The following SMARCA4 variants were observed in gnomAD, a reference collection of about 807,000 sequenced individuals.
SMARCA4 encodes the protein SWI/SNF-related matrix-associated actin-dependent regulator of chromatin subfamily A member 4.
In SMARCA4, 31 loss-of-function variants were observed where a neutral mutation model predicts 193.9. That is an observed-to-expected ratio of 0.16 (90% CI 0.12 to 0.22). The LOEUF (loss-of-function observed/expected upper bound fraction) is 0.22, where lower values mean the gene tolerates loss of function less well. Among genes scored for constraint, SMARCA4 ranks in the 10% least tolerant of loss-of-function variants. The probability of loss-of-function intolerance (pLI) is 1.00; values close to 1 mark genes in which losing one functional copy is unlikely to be tolerated. For synonymous variants in SMARCA4, 942 were observed against 933.1 expected, an observed-to-expected ratio of 1.01 and a Z score of -0.17; for missense variants, 1,148 against 2,296.0, an observed-to-expected ratio of 0.50 and a Z score of 10.22.
rs1388865988 is a variant in SMARCA4, at chr19:11,031,168, C to T, written c.3546+275C>T. ...GTTTTTCTTAAATCTTGGAATGGCA[C>T]CCATGAGGAGGTGGAAAGTATCCTG... On this transcript the variant is annotated intron_variant, in intron 25 of 34. Transcript: ENST00000344626. This position sits in a 1 kb window ranked among gnomAD's most constrained non-coding sequence, Gnocchi z 4.3. The T allele has an allele frequency of 1.3e-5, 6 of 474,832 alleles. No individual in the cohort carries two copies. The highest frequency in any genetic ancestry group is 2.3e-5 in the Non-Finnish European group (6 of 256,550). 29.4% of individuals were successfully genotyped at this position (474,832 alleles called of 1,614,324 possible). A position where few individuals can be genotyped will look rare whatever the true frequency, so the allele number is the denominator to read the frequency against.
At chr19:11,000,392 G>GGT (rs1449194617) in intron 11 of SMARCA4, among the ~76,000 whole-genome samples, 1 of 152,012 alleles carries the variant, frequency 6.6e-6, no homozygotes, top group East Asian at 1.9e-4. Context: ...AACCAGGCTT[G>GGT]GTGCGCACGC....
intron 1 of SMARCA4, chr19:10,965,301 AC>A (rs894218566): frequency 1.2e-4 from 19 of 152,110 alleles, no homozygotes; most frequent in African/African-American, 4.6e-4. Flanking sequence ...CAGTACTAGT[AC>A]CCAGCTTGTA....
In SMARCA4 at chr19:11,033,121, G is replaced by T. The variant is rs1225176523; in HGVS notation, c.3547-169G>T. The stretch of plus-strand genomic sequence containing the variant: ...CCCCTTCCCCCGAGGGACACATGGC[G>T]GCCCAGGCTCCACCAGCTCTGTTTT... On this transcript the variant is annotated intron_variant, in intron 25 of 34. Coordinates refer to ENST00000344626, the MANE Select transcript of SMARCA4 (RefSeq NM_003072.5). This position sits in a 1 kb window ranked among gnomAD's most constrained non-coding sequence, Gnocchi z 9.8. 9 of 683,992 alleles carry T rather than the reference G, an allele frequency of 1.3e-5. No homozygotes were observed. The highest frequency in any genetic ancestry group is 7.6e-5 in the South Asian group (5 of 65,802). 42.4% of individuals were successfully genotyped at this position (683,992 alleles called of 1,614,324 possible).
rs2074843571 is a variant in SMARCA4, at chr19:11,030,402, G to A, written c.3383-328G>A. Among the ~76,000 whole-genome samples the A allele has an allele frequency of 6.6e-6, 1 of 152,218 alleles. No individual in the cohort carries two copies. Among genetic ancestry groups the A allele is most frequent in the Non-Finnish European group, 1.5e-5 (1 of 68,046 alleles). On this transcript the variant is annotated intron_variant, in intron 24 of 34. Transcript: ENST00000344626. This position sits in a 1 kb window ranked among gnomAD's most constrained non-coding sequence, Gnocchi z 5.5. ...AGTAGAGGAGAGAATCCAGGGCTGT[G>A]GTGGTGGTGGCTGTGCTGACGCTGG... is the stretch of plus-strand genomic sequence containing the variant.
intron 6 of SMARCA4, 71 bp from the exon 7 acceptor site, chr19:10,989,246 C>T (rs990186946): frequency 1.3e-6 from 2 of 1,597,514 alleles, no homozygotes; most frequent in African/African-American, 1.3e-5. Context: ...GATGGGTCCC[C>T]TGCAGCTCCA....
intron 1 of SMARCA4, among the ~76,000 whole-genome samples, chr19:10,968,474 C>T (rs748302959): frequency 4.5e-4 from 68 of 152,140 alleles, no homozygotes; most frequent in Middle Eastern, 6.8e-3. Flanking sequence ...TAGTGATCGA[C>T]TTTAAAATGG....
intron 1 of SMARCA4, among the ~76,000 whole-genome samples, chr19:10,982,211 A>G (rs2085608542): frequency 6.6e-6 from 1 of 152,058 alleles, no homozygotes; most frequent in African/African-American, 2.4e-5. Context: ...GTGGTGGTTC[A>G]CACCTGTAAT....
At chr19:10,980,259 C>G (rs2085455193) in intron 1 of SMARCA4, among the ~76,000 whole-genome samples, 1 of 152,108 alleles carries the variant, frequency 6.6e-6, no homozygotes, top group Non-Finnish European at 1.5e-5. Context: ...GCAGCATTTT[C>G]AGGAGGAGAG....
At chr19:10,970,986 G>T (rs751729104) in intron 1 of SMARCA4, among the ~76,000 whole-genome samples, 2 of 152,164 alleles carry the variant, frequency 1.3e-5, no homozygotes, top group Non-Finnish European at 2.9e-5. Flanking sequence ...ATCACCTGAG[G>T]TCGGGAGTTT....
rs2074905057 is a variant in SMARCA4 at position 11,031,182 on chromosome 19, G to A, written c.3546+289G>A. 4.4e-6 allele frequency: 2 copies of A among 451,110 alleles called. No homozygotes were observed. Among genetic ancestry groups the A allele is most frequent in the Non-Finnish European group, 8.3e-6 (2 of 241,666 alleles). The allele number at this position is 451,110 out of a possible 1,614,324, so 27.9% of individuals were successfully genotyped here. On this transcript the variant is annotated intron_variant, in intron 25 of 34. Transcript: ENST00000344626. The surrounding 1 kb of genome is among the most constrained non-coding windows in gnomAD (Gnocchi z 4.3). ...TTGGAATGGCACCCATGAGGAGGTG[G>A]AAAGTATCCTGATCAATCTGCGCCG... is the stretch of plus-strand genomic sequence containing the variant.
At chr19:11,026,807 C>T (rs891199105) in intron 23 of SMARCA4, among the ~76,000 whole-genome samples, 1 of 152,148 alleles carries the variant, frequency 6.6e-6, no homozygotes, top group African/African-American at 2.4e-5. Flanking sequence ...CCCCATTATA[C>T]AAATCTTTAG....
intron 9 of SMARCA4, chr19:10,995,926 G>A (rs1228873743): frequency 4.1e-6 from 2 of 491,544 alleles, no homozygotes; most frequent in African/African-American, 3.9e-5. Context: ...GAAGGCTTCG[G>A]GTTTGGGGTG....
rs191993788 is a variant in SMARCA4, at chr19:11,057,104, T to C, written c.4425-1151T>C. On this transcript the variant is annotated intron_variant, in intron 30 of 34. Coordinates refer to ENST00000344626, the MANE Select transcript of SMARCA4 (RefSeq NM_003072.5). ...TCCCATCAGGCCCCGTTGGCCACTT[T>C]TAGGCTTCGTCCGCCTGGTGGCTCC... 2.1e-3 allele frequency among the ~76,000 whole-genome samples: 326 copies of C among 152,334 alleles called. 3 individuals carry two copies. The highest frequency in any genetic ancestry group is 7.7e-3 in the African/African-American group (319 of 41,586).
At chr19:11,039,152 A>G (rs977719903) in intron 29 of SMARCA4, among the ~76,000 whole-genome samples, 1 of 152,202 alleles carries the variant, frequency 6.6e-6, no homozygotes, top group African/African-American at 2.4e-5. Context: ...TCAGGAGCTC[A>G]AGACCAGCCT....
rs529400963 is a variant in SMARCA4, at chr19:11,041,432, C to A, written c.4296C>A (p.Asp1432Glu). Residue 1432 changes from aspartate to glutamate, a missense_variant, in exon 30 of 35, where the codon GAC becomes GAA. Physicochemically the swap from Asp to Glu is conservative, Grantham distance 45. Around this residue, in one of 17 missense-constraint regions of SMARCA4, gnomAD observed 141 missense variants for 193.0 expected, o/e 0.73. Transcript: ENST00000344626. The surrounding 1 kb of genome is among the most constrained non-coding windows in gnomAD (Gnocchi z 5.6). ...STPTTSTRSR[D>E]KDDESKKQKK... ...CGACCACCAGCACCCGCAGCCGCGA[C>A]AAGGACGACGAGAGCAAGAAGCAGA... 6 of 1,612,612 alleles carry A rather than the reference C, an allele frequency of 3.7e-6. No individual in the cohort carries two copies. In the South Asian group the frequency reaches 6.6e-5, roughly 18 times the overall value.
chr19:11,045,994 C>T (rs1030550427), intron 30 of SMARCA4, among the ~76,000 whole-genome samples: 10 of 152,108 alleles, frequency 6.6e-5, no homozygotes, highest in African/African-American at 2.4e-4. Context: ...GAGGCTGAGG[C>T]GAGCGGATCA....
intron 15 of SMARCA4, chr19:11,010,809 A>G (rs971903110): frequency 6.3e-6 from 3 of 478,648 alleles, no homozygotes; most frequent in Admixed American, 3.1e-5. Flanking sequence ...CAGTGGCCTC[A>G]CAGAGGAGAC....
intron 30 of SMARCA4, among the ~76,000 whole-genome samples, chr19:11,051,217 C>T (rs2076241411): frequency 6.6e-6 from 1 of 152,168 alleles, no homozygotes; most frequent in African/African-American, 2.4e-5. Context: ...TGATAGAGAC[C>T]TTTACATAAC....
chr19:11,009,964 C>T (rs2088658812), intron 14 of SMARCA4, among the ~76,000 whole-genome samples: 1 of 152,124 alleles, frequency 6.6e-6, no homozygotes, highest in Non-Finnish European at 1.5e-5. Flanking sequence ...GCTGGGATTA[C>T]AGGTGTAAGC....
Sources: gnomAD v4.1 joint callset for allele counts (sites outside exome capture counted in the v4.1 genomes callset) on GRCh38, gnomAD v4.1.1 for gene constraint, gnomAD v4.1.1 regional missense constraint, Gnocchi (gnomAD v3.1) non-coding constraint, MANE v1.5 for transcripts, NCBI Gene and HGNC (gene_info 2026-07-23, HGNC 2026-07-21) for gene names.